The following MAD1L1 variants were observed in gnomAD, a reference collection of about 807,000 sequenced individuals.
The protein encoded by MAD1L1 is mitotic spindle assembly checkpoint protein MAD1.
MAD1L1 carries 95 observed loss-of-function variants against 96.9 expected under a neutral mutation model. The observed-to-expected ratio is 0.98, with a 90% CI of 0.83 to 1.16. MAD1L1 has a LOEUF of 1.16. Ranked by LOEUF, MAD1L1 falls within the 50% of genes most tolerant of loss-of-function variation. MAD1L1 has a pLI of 0.00. For missense variants in MAD1L1, 1,007 were observed against 954.4 expected (o/e 1.06, Z -0.73); for synonymous variants, 473 against 396.6 (o/e 1.19, Z -2.29).
chr7:2,204,583 C>G (rs1792492256), intron 10 of MAD1L1, among the ~76,000 whole-genome samples: 1 of 152,228 alleles, frequency 6.6e-6, no homozygotes, highest in South Asian at 2.1e-4. Flanking sequence ...CTCAGTAAGT[C>G]TGGCTTCCTT....
At chr7:1,816,556 G>A (rs1398183890) in intron 18 of MAD1L1, among the ~76,000 whole-genome samples, 1 of 152,138 alleles carries the variant, frequency 6.6e-6, no homozygotes, top group Non-Finnish European at 1.5e-5. Flanking sequence ...CCAGGCCCTA[G>A]TGCCACTCTT....
At chr7:1,864,667 CT>C (rs1185388474) in intron 18 of MAD1L1, among the ~76,000 whole-genome samples, 1 of 152,234 alleles carries the variant, frequency 6.6e-6, no homozygotes, top group African/African-American at 2.4e-5. Flanking sequence ...ACGTGGACCC[CT>C]GATCCTCGAT....
intron 12 of MAD1L1, among the ~76,000 whole-genome samples, chr7:2,029,573 A>C (rs200019137): frequency 2.0e-5 from 3 of 152,098 alleles, no homozygotes; most frequent in African/African-American, 7.2e-5. Flanking sequence ...AAAAGGCAGT[A>C]ATTTTTTTTT....
intron 11 of MAD1L1, among the ~76,000 whole-genome samples, chr7:2,111,275 C>T (rs1421621582): frequency 1.3e-5 from 2 of 152,202 alleles, no homozygotes; most frequent in Admixed American, 6.5e-5. Context: ...TCAGAGCCCG[C>T]AGGCGCCTCC....
At chr7:2,090,036 G>A (rs1277861766) in intron 11 of MAD1L1, among the ~76,000 whole-genome samples, 1 of 152,252 alleles carries the variant, frequency 6.6e-6, no homozygotes, top group Non-Finnish European at 1.5e-5. Context: ...ACAAGGAAGA[G>A]TGACAGGAAA....
intron 18 of MAD1L1, among the ~76,000 whole-genome samples, chr7:1,818,050 T>G (rs1236480322): frequency 6.6e-6 from 1 of 151,902 alleles, no homozygotes; most frequent in Non-Finnish European, 1.5e-5. Flanking sequence ...ACACAAACCA[T>G]TTTTAAACAA....
intron 12 of MAD1L1, 71 bp from the exon 13 acceptor site, chr7:2,014,713 A>T: frequency 6.7e-7 from 1 of 1,499,816 alleles, no homozygotes; most frequent in Non-Finnish European, 8.9e-7. Flanking sequence ...CGGCTCAGGG[A>T]AGGCCCCACG....
At chr7:1,908,243 A>G (rs1280303507) in intron 17 of MAD1L1, among the ~76,000 whole-genome samples, 1 of 152,172 alleles carries the variant, frequency 6.6e-6, no homozygotes, top group African/African-American at 2.4e-5. Context: ...CATACCCTTC[A>G]GCAGGTCCCT....
At chr7:2,135,140 G>C (rs1041818549) in intron 11 of MAD1L1, among the ~76,000 whole-genome samples, 1 of 152,176 alleles carries the variant, frequency 6.6e-6, no homozygotes, top group Non-Finnish European at 1.5e-5. Flanking sequence ...AACGGTGAGC[G>C]CACCTGCCTT....
intron 18 of MAD1L1, among the ~76,000 whole-genome samples, chr7:1,826,900 T>C (rs1322990282): frequency 6.6e-6 from 1 of 152,168 alleles, no homozygotes; most frequent in Non-Finnish European, 1.5e-5. Context: ...CCTTCAAGAG[T>C]GACTGGCGGG....
intron 11 of MAD1L1, among the ~76,000 whole-genome samples, chr7:2,131,982 C>G (rs1316674802): frequency 6.6e-6 from 1 of 152,160 alleles, no homozygotes; most frequent in Non-Finnish European, 1.5e-5. Context: ...AGATGTGCCT[C>G]GTAGACCCGC....
At chr7:2,160,792 C>T (rs1335673795) in intron 10 of MAD1L1, among the ~76,000 whole-genome samples, 2 of 152,072 alleles carry the variant, frequency 1.3e-5, no homozygotes, top group African/African-American at 4.8e-5. Flanking sequence ...CCACTGGATA[C>T]TTTTTGAATG....
At chr7:2,132,083 T>C (rs1376763961) in intron 11 of MAD1L1, among the ~76,000 whole-genome samples, 2 of 152,188 alleles carry the variant, frequency 1.3e-5, no homozygotes, top group African/African-American at 4.8e-5. Flanking sequence ...CCCAACTGCA[T>C]TTTGTCTCAA....
chr7:2,121,292 T>A (rs975493208), intron 11 of MAD1L1, among the ~76,000 whole-genome samples: 3 of 152,112 alleles, frequency 2.0e-5, no homozygotes, highest in African/African-American at 7.2e-5. Context: ...TCTCCCAACC[T>A]CTGTTCAGCG....
intron 14 of MAD1L1, among the ~76,000 whole-genome samples, chr7:1,987,265 G>A (rs1426861519): frequency 6.6e-6 from 1 of 152,216 alleles, no homozygotes; most frequent in Admixed American, 6.5e-5. Flanking sequence ...TTCCCTGGAG[G>A]AGACGTGGTA....
At chr7:1,843,445 G>T (rs1445359456) in intron 18 of MAD1L1, among the ~76,000 whole-genome samples, 1 of 152,102 alleles carries the variant, frequency 6.6e-6, no homozygotes, top group South Asian at 2.1e-4. Context: ...CTGTCATCCA[G>T]CCCCTCCTGA....
intron 14 of MAD1L1, among the ~76,000 whole-genome samples, chr7:1,983,131 GACGCGCGCGCGCGCGCGCGCGCGC>G (rs1388819859): frequency 4.0e-5 from 1 of 24,900 alleles, no homozygotes; most frequent in Non-Finnish European, 1.4e-4. Context: ...CACACCCACA[GACGCGCGCGCGCGCGCGCGCGCGC>G]ACACACACAC....
intron 18 of MAD1L1, among the ~76,000 whole-genome samples, chr7:1,884,419 C>T (rs894735509): frequency 6.6e-6 from 1 of 152,198 alleles, no homozygotes. Flanking sequence ...AGCCTCAGCG[C>T]CTCTGGCTGA....
intron 12 of MAD1L1, among the ~76,000 whole-genome samples, chr7:2,024,557 G>A (rs773685746): frequency 6.6e-6 from 1 of 152,202 alleles, no homozygotes; most frequent in Non-Finnish European, 1.5e-5. Context: ...CCTCCCTGTA[G>A]ACATACTCAG....
Sources: allele counts gnomAD v4.1 joint callset (sites outside exome capture counted in the v4.1 genomes callset), GRCh38; gene constraint gnomAD v4.1.1; transcripts MANE v1.5; gene names NCBI Gene and HGNC (gene_info 2026-07-23, HGNC 2026-07-21).